The following GALNT13 variants were observed in gnomAD, a reference collection of about 807,000 sequenced individuals.
GALNT13 encodes UDP-GalNAc:polypeptide N-acetylgalactosaminyltransferase 13.
GALNT13 carries 28 observed loss-of-function variants against 64.2 expected under a neutral mutation model. The ratio of observed to expected loss-of-function variants is 0.44; its 90% CI spans 0.32 to 0.60. The LOEUF is 0.60. GALNT13 is among the 20% of genes least tolerant of loss of function. The pLI is 0.05. For synonymous variants in GALNT13, 214 were observed against 224.6 expected (o/e 0.95, Z 0.42); for missense variants, 577 against 669.8 (o/e 0.86, Z 1.53).
intron 8 of GALNT13, among the ~76,000 whole-genome samples, chr2:154,280,105 G>A (rs138635446): frequency 2.0e-5 from 3 of 152,274 alleles, no homozygotes; most frequent in Non-Finnish European, 4.4e-5. Context: ...AATGACTCTA[G>A]CTGATTAAAA....
At chr2:154,225,414 A>G (rs759514362) in intron 4 of GALNT13, among the ~76,000 whole-genome samples, 6 of 152,088 alleles carry the variant, frequency 3.9e-5, no homozygotes, top group Admixed American at 6.6e-5. Flanking sequence ...GTAAACTGCA[A>G]CAACCCTTGT....
intron 9 of GALNT13, among the ~76,000 whole-genome samples, chr2:154,371,899 T>C (rs1326610726): frequency 4.6e-5 from 7 of 151,866 alleles, no homozygotes; most frequent in Non-Finnish European, 1.0e-4. Flanking sequence ...GAATGGACAA[T>C]CCATTAATCT....
chr2:154,110,546 A>G (rs1451936470), intron 3 of GALNT13, among the ~76,000 whole-genome samples: 1 of 151,636 alleles, frequency 6.6e-6, no homozygotes, highest in Non-Finnish European at 1.5e-5. Context: ...GGCAGAAAGC[A>G]TCGAGCACAG....
the GALNT13 span, among the ~76,000 whole-genome samples, chr2:153,627,493 A>G: frequency 1.3e-5 from 2 of 152,114 alleles, no homozygotes; most frequent in African/African-American, 4.8e-5. Context: ...TTTAATTGCT[A>G]TATTATTGTA....
chr2:153,702,317 G>T, the GALNT13 span, among the ~76,000 whole-genome samples: 1 of 152,098 alleles, frequency 6.6e-6, no homozygotes, highest in Non-Finnish European at 1.5e-5. Context: ...AACCCAGGGA[G>T]GGGAACAACA....
intron 10 of GALNT13, among the ~76,000 whole-genome samples, chr2:154,398,761 G>A (rs1187420158): frequency 6.6e-6 from 1 of 152,194 alleles, no homozygotes; most frequent in Non-Finnish European, 1.5e-5. Context: ...TTATAGTGAT[G>A]ACTGAAGACA....
At chr2:153,988,910 A>C (rs924289772) in intron 3 of GALNT13, among the ~76,000 whole-genome samples, 2 of 151,950 alleles carry the variant, frequency 1.3e-5, no homozygotes, top group African/African-American at 4.8e-5. Context: ...AAAAATGGAG[A>C]ATTCCTTCTC....
the GALNT13 span, among the ~76,000 whole-genome samples, chr2:153,836,909 G>A: frequency 6.6e-6 from 1 of 152,052 alleles, no homozygotes; most frequent in Admixed American, 6.6e-5. Context: ...GTCTATCATT[G>A]TTGGACATTT....
At chr2:153,830,860 T>A in the GALNT13 span, among the ~76,000 whole-genome samples, 1 of 152,194 alleles carries the variant, frequency 6.6e-6, no homozygotes, top group East Asian at 1.9e-4. Flanking sequence ...TATATGTGTT[T>A]ACGTATTCTT....
At chr2:153,905,006 T>C (rs1183991725) in intron 2 of GALNT13, among the ~76,000 whole-genome samples, 1 of 151,980 alleles carries the variant, frequency 6.6e-6, no homozygotes, top group Non-Finnish European at 1.5e-5. Context: ...AATTGGATTA[T>C]TAGTCTCTTC....
At chr2:153,258,055 G>T in the GALNT13 span, among the ~76,000 whole-genome samples, 2 of 152,112 alleles carry the variant, frequency 1.3e-5, no homozygotes, top group African/African-American at 4.8e-5. Flanking sequence ...CCAACTCATA[G>T]GTATTTGAGG....
At chr2:153,193,295 T>C in the GALNT13 span, among the ~76,000 whole-genome samples, 3 of 151,828 alleles carry the variant, frequency 2.0e-5, no homozygotes, top group African/African-American at 7.3e-5. Context: ...TCATGTCCTT[T>C]GTAGAGACAT....
the GALNT13 span, among the ~76,000 whole-genome samples, chr2:153,301,320 A>AAAAAAAAAAAAAAAAAAG: frequency 5.2e-4 from 66 of 126,624 alleles, 1 homozygote; most frequent in Middle Eastern, 4.5e-3. Context: ...AAAAAAAAAG[A>AAAAAAAAAAAAAAAAAAG]AAAAAAAAAA....
the GALNT13 span, among the ~76,000 whole-genome samples, chr2:153,663,364 AGAG>A: frequency 6.6e-6 from 1 of 152,236 alleles, no homozygotes; most frequent in Non-Finnish European, 1.5e-5. Context: ...TAAGTGGGTA[AGAG>A]GAGGCCAATG....
intron 4 of GALNT13, among the ~76,000 whole-genome samples, chr2:154,192,515 C>CATATAT (rs61549884): frequency 5.3e-5 from 8 of 150,332 alleles, no homozygotes; most frequent in East Asian, 2.0e-4. Flanking sequence ...GATTGAATGA[C>CATATAT]ATATATATAT....
At position 153,872,630 on chromosome 2, in the gene GALNT13, GGGGGA is replaced by G. The variant is rs1387409718; in HGVS notation, c.-177+329_-177+333del. ...TGAGTTGTTGGTGGCGGGGGGGGGG[GGGGGA>G]GCGGCTCTGGCCCCCTCTGCGTTCT... On this transcript the variant is annotated intron_variant, in intron 1 of 12. Coordinates refer to ENST00000392825, the MANE Select transcript of GALNT13 (RefSeq NM_052917.4). 2.5e-3 allele frequency among the ~76,000 whole-genome samples: 250 copies of G among 99,220 alleles called. 23 individuals carry two copies. The highest frequency in any genetic ancestry group is 7.8e-3 in the African/African-American group (216 of 27,808). The allele number at this position is 99,220 out of a possible 152,430, so 65.1% of individuals were successfully genotyped here. A position where few individuals can be genotyped will look rare whatever the true frequency, so the allele number is the denominator to read the frequency against.
At chr2:153,937,412 A>T (rs1691017195) in intron 2 of GALNT13, among the ~76,000 whole-genome samples, 1 of 152,252 alleles carries the variant, frequency 6.6e-6, no homozygotes, top group Non-Finnish European at 1.5e-5. Flanking sequence ...TTCAATTTGT[A>T]TGAAACATTC....
intron 11 of GALNT13, among the ~76,000 whole-genome samples, chr2:154,427,794 G>A (rs1483958760): frequency 6.6e-6 from 1 of 152,150 alleles, no homozygotes; most frequent in African/African-American, 2.4e-5. Flanking sequence ...TGAGCTAACA[G>A]CCTATAGATG....
the GALNT13 span, among the ~76,000 whole-genome samples, chr2:153,543,872 G>A: frequency 6.6e-6 from 1 of 152,140 alleles, no homozygotes; most frequent in African/African-American, 2.4e-5. Context: ...TTTATAGCAG[G>A]AAAGTAGTTC....
Sources: allele counts gnomAD v4.1 joint callset (sites outside exome capture counted in the v4.1 genomes callset), GRCh38; gene constraint gnomAD v4.1.1; transcripts MANE v1.5; gene names NCBI Gene and HGNC (gene_info 2026-07-23, HGNC 2026-07-21).